Variants in CNTNAP5 observed in about 807,000 individuals in gnomAD.
The protein encoded by CNTNAP5 is contactin-associated protein-like 5.
A neutral mutation model predicts 150.2 loss-of-function variants in CNTNAP5; 72 were observed. The ratio of observed to expected loss-of-function variants is 0.48; its 90% CI spans 0.40 to 0.58. The LOEUF (loss-of-function observed/expected upper bound fraction) is 0.58. CNTNAP5 is among the 20% of genes least tolerant of loss of function. The pLI is 0.00. For synonymous variants in CNTNAP5, 672 were observed against 619.8 expected (o/e 1.08, Z -1.25); for missense variants, 1,636 against 1,626.2 (o/e 1.01, Z -0.10).
chr2:124,414,426 A>T (rs995841407), intron 3 of CNTNAP5, among the ~76,000 whole-genome samples: 16 of 152,060 alleles, frequency 1.1e-4, no homozygotes, highest in Middle Eastern at 3.2e-3. Flanking sequence ...ATGCATTGAA[A>T]ACTTCCAGAT....
At chr2:124,909,824 GACATATATATAT>G (rs936828029) in intron 22 of CNTNAP5, among the ~76,000 whole-genome samples, 6 of 29,202 alleles carry the variant, frequency 2.1e-4, no homozygotes, top group African/African-American at 5.7e-4. Flanking sequence ...ATCAATTGGT[GACATATATATAT>G]ATATATATAT....
At chr2:124,142,949 T>C (rs1448752301) in intron 1 of CNTNAP5, among the ~76,000 whole-genome samples, 2 of 128,256 alleles carry the variant, frequency 1.6e-5, no homozygotes, top group Non-Finnish European at 3.2e-5. Context: ...TAAAAAATGA[T>C]AAAGGGGATA....
chr2:124,709,621 AAG>A (rs1232556435), intron 13 of CNTNAP5, among the ~76,000 whole-genome samples: 1 of 152,148 alleles, frequency 6.6e-6, no homozygotes, highest in East Asian at 1.9e-4. Context: ...AATATCTTAT[AAG>A]ACTATGAATC....
chr2:124,763,444 T>C (rs1217829857), intron 14 of CNTNAP5, among the ~76,000 whole-genome samples: 1 of 152,142 alleles, frequency 6.6e-6, no homozygotes, highest in East Asian at 1.9e-4. Flanking sequence ...CAAGCACACG[T>C]GGGGAAGATG....
Position 124,408,385 on chromosome 2 carries a change from G to A in CNTNAP5, c.382-9058G>A, listed in dbSNP as rs559286466. On this transcript the variant is annotated intron_variant, in intron 3 of 23. Transcript: ENST00000682447. ...CTCGGACTGGGTGGAGCCCACCACA[G>A]CTCAAGGAGGCCTGCCTGCCTCTGT... Among the ~76,000 whole-genome samples, 29 of 152,362 alleles carry A rather than the reference G, an allele frequency of 1.9e-4. 1 individual carries two copies. In the East Asian group the frequency reaches 5.4e-3, roughly 28 times the overall value.
intron 1 of CNTNAP5, among the ~76,000 whole-genome samples, chr2:124,177,008 G>T (rs1685082221): frequency 6.6e-6 from 1 of 151,762 alleles, no homozygotes; most frequent in Admixed American, 6.6e-5. Flanking sequence ...ACCATGCCTG[G>T]CTAATTTTTT....
intron 6 of CNTNAP5, among the ~76,000 whole-genome samples, chr2:124,454,913 C>T (rs554602395): frequency 6.6e-6 from 1 of 151,992 alleles, no homozygotes; most frequent in Non-Finnish European, 1.5e-5. Context: ...GAGGAAAGTT[C>T]ATAGCCCTAA....
At chr2:124,160,707 G>A (rs1387621344) in intron 1 of CNTNAP5, among the ~76,000 whole-genome samples, 1 of 152,118 alleles carries the variant, frequency 6.6e-6, no homozygotes, top group Non-Finnish European at 1.5e-5. Context: ...GTATAAAATG[G>A]TAAGCTGTTG....
chr2:124,066,140 G>A (rs1304584201), intron 1 of CNTNAP5, among the ~76,000 whole-genome samples: 1 of 152,050 alleles, frequency 6.6e-6, no homozygotes, highest in African/African-American at 2.4e-5. Context: ...AACTGGGTGT[G>A]GGGTAAGAAA....
At chr2:124,747,785 C>CTT (rs1428976462) in intron 14 of CNTNAP5, among the ~76,000 whole-genome samples, 1 of 107,928 alleles carries the variant, frequency 9.3e-6, no homozygotes, top group African/African-American at 3.7e-5. Context: ...ACTCCTAACT[C>CTT]TTCTTTTTTT....
chr2:124,560,972 A>C (rs6720106), intron 10 of CNTNAP5, among the ~76,000 whole-genome samples: 61,690 of 151,298 alleles, frequency 0.41, 13,759 homozygotes, highest in East Asian at 0.96. Flanking sequence ...AAAACAACAA[A>C]AAAAAAAACT....
At chr2:124,542,426 C>A (rs1695409155) in intron 10 of CNTNAP5, among the ~76,000 whole-genome samples, 1 of 151,744 alleles carries the variant, frequency 6.6e-6, no homozygotes, top group African/African-American at 2.4e-5. Context: ...AGTTATGTCC[C>A]AGCTGCATTT....
At chr2:124,127,512 C>T (rs538617016) in intron 1 of CNTNAP5, among the ~76,000 whole-genome samples, 2 of 152,092 alleles carry the variant, frequency 1.3e-5, no homozygotes, top group Non-Finnish European at 2.9e-5. Flanking sequence ...TTAATGCCAT[C>T]CCCATCAAGC....
At chr2:124,496,538 A>T (rs1286453272) in intron 7 of CNTNAP5, among the ~76,000 whole-genome samples, 2 of 152,208 alleles carry the variant, frequency 1.3e-5, no homozygotes, top group African/African-American at 4.8e-5. Context: ...TAAAAACAAA[A>T]CAAACACCCA....
chr2:124,845,623 T>G (rs1051735012), intron 19 of CNTNAP5, among the ~76,000 whole-genome samples: 2 of 152,036 alleles, frequency 1.3e-5, no homozygotes, highest in African/African-American at 4.8e-5. Flanking sequence ...CCTGGCCTTT[T>G]ATTTTGGTGG....
intron 1 of CNTNAP5, among the ~76,000 whole-genome samples, chr2:124,145,812 T>TAAAAAAAAAAAAAAAAAAAAAAAA: frequency 1.1e-4 from 7 of 64,184 alleles, no homozygotes; most frequent in Admixed American, 2.5e-4. Context: ...AAAAAAACAT[T>TAAAAAAAAAAAAAAAAAAAAAAAA]AAAAAAAAAA....
intron 8 of CNTNAP5, among the ~76,000 whole-genome samples, chr2:124,509,625 C>T (rs1345163181): frequency 6.6e-6 from 1 of 152,192 alleles, no homozygotes; most frequent in Non-Finnish European, 1.5e-5. Flanking sequence ...GATGTTCAAC[C>T]TCAGCTTTTT....
At chr2:124,360,619 G>C (rs1308825468) in intron 3 of CNTNAP5, among the ~76,000 whole-genome samples, 4 of 136,924 alleles carry the variant, frequency 2.9e-5, no homozygotes, top group Non-Finnish European at 4.8e-5. Flanking sequence ...TTTTCTTTAA[G>C]AATGTTGAAT....
chr2:124,406,682 C>T (rs1045013012), intron 3 of CNTNAP5, among the ~76,000 whole-genome samples: 1 of 152,150 alleles, frequency 6.6e-6, no homozygotes, highest in African/African-American at 2.4e-5. Flanking sequence ...AAGCATTTAT[C>T]ATTTATTTGT....
Sources: allele counts gnomAD v4.1 joint callset (sites outside exome capture counted in the v4.1 genomes callset), GRCh38; gene constraint gnomAD v4.1.1; transcripts MANE v1.5; gene names NCBI Gene and HGNC (gene_info 2026-07-23, HGNC 2026-07-21).